The following ANK2 variants were observed in gnomAD, a reference collection of about 807,000 sequenced individuals.
The protein encoded by ANK2 is ankyrin 2, also known as ankyrin-2.
A neutral mutation model predicts 360.5 loss-of-function variants in ANK2; 83 were observed. The ratio of observed to expected loss-of-function variants is 0.23; its 90% CI spans 0.19 to 0.28. The LOEUF (loss-of-function observed/expected upper bound fraction) is 0.28. ANK2 is among the 10% of genes least tolerant of loss of function. ANK2 has a pLI of 1.00. For synonymous variants in ANK2, 1,740 were observed against 1,759.5 expected, an observed-to-expected ratio of 0.99 and a Z score of 0.28; for missense variants, 4,201 against 4,795.7, an observed-to-expected ratio of 0.88 and a Z score of 3.66.
At chr4:112,757,253 C>G in the ANK2 span, among the ~76,000 whole-genome samples, 2 of 151,740 alleles carry the variant, frequency 1.3e-5, no homozygotes, top group East Asian at 3.9e-4. Flanking sequence ...GCTGGGATTA[C>G]AGACGCCCGC....
At chr4:113,247,650 T>A (rs1304022383) in intron 9 of ANK2, among the ~76,000 whole-genome samples, 5 of 152,192 alleles carry the variant, frequency 3.3e-5, no homozygotes, top group Non-Finnish European at 7.3e-5. Flanking sequence ...GCTTGCAAGT[T>A]AAATAGGGTG....
chr4:112,754,547 T>C, the ANK2 span, among the ~76,000 whole-genome samples: 4 of 151,790 alleles, frequency 2.6e-5, no homozygotes, highest in Non-Finnish European at 4.4e-5. Context: ...TAAAAACTTT[T>C]AATGAGTTCC....
intron 22 of ANK2, among the ~76,000 whole-genome samples, chr4:113,296,408 G>A (rs2071466150): frequency 6.6e-6 from 1 of 152,166 alleles, no homozygotes; most frequent in South Asian, 2.1e-4. Flanking sequence ...CATTACACCT[G>A]CACAACTGAC....
chr4:113,251,345 A>G (rs2046239664), intron 10 of ANK2, among the ~76,000 whole-genome samples: 1 of 152,146 alleles, frequency 6.6e-6, no homozygotes, highest in African/African-American at 2.4e-5. Flanking sequence ...GATCCTGCAT[A>G]AAGTGTCTCT....
intron 1 of ANK2, among the ~76,000 whole-genome samples, chr4:112,855,484 T>C (rs2066141805): frequency 6.6e-6 from 1 of 152,360 alleles, no homozygotes; most frequent in South Asian, 2.1e-4. Flanking sequence ...CTGCACCTCC[T>C]CAATTGGCCC....
intron 36 of ANK2, 86 bp from the exon 37 acceptor site, chr4:113,350,142 T>G: frequency 7.9e-7 from 1 of 1,265,390 alleles, no homozygotes; most frequent in Non-Finnish European, 1.1e-6. Context: ...CATGTATAAT[T>G]ATGAATAGGA....
intron 2 of ANK2, among the ~76,000 whole-genome samples, chr4:113,030,622 T>A (rs1016964082): frequency 3.3e-5 from 5 of 152,064 alleles, no homozygotes; most frequent in African/African-American, 1.2e-4. Flanking sequence ...GGAAATCTGT[T>A]ACAAGCTGAA....
chr4:112,739,046 C>A, the ANK2 span: 23 of 579,826 alleles, frequency 4.0e-5, no homozygotes, highest in Non-Finnish European at 6.9e-5. Flanking sequence ...AAAGTTCTGT[C>A]CAGCTGGCCA....
intron 2 of ANK2, among the ~76,000 whole-genome samples, chr4:112,958,103 T>G (rs2031824784): frequency 6.7e-6 from 1 of 149,570 alleles, no homozygotes; most frequent in East Asian, 2.0e-4. Context: ...CGCTCCTCAC[T>G]TTCCAGACTG....
At chr4:113,125,040 TA>T (rs2095581989) in intron 1 of ANK2, among the ~76,000 whole-genome samples, 1 of 152,222 alleles carries the variant, frequency 6.6e-6, no homozygotes. Context: ...TGGTTAAGAC[TA>T]ATGGTGTTAT....
At chr4:112,962,703 T>C (rs1363919670) in intron 2 of ANK2, among the ~76,000 whole-genome samples, 4 of 152,156 alleles carry the variant, frequency 2.6e-5, no homozygotes, top group Non-Finnish European at 5.9e-5. Flanking sequence ...AGAAAACATA[T>C]GCTTAAGCCC....
At chr4:112,706,826 C>G in the ANK2 span, 1 of 152,224 alleles carries the variant, frequency 6.6e-6, no homozygotes, top group Non-Finnish European at 1.5e-5. Context: ...GAGACACAAA[C>G]AGCTTCCCCC....
At chr4:113,132,793 C>T (rs1238039639) in intron 1 of ANK2, among the ~76,000 whole-genome samples, 54 of 152,092 alleles carry the variant, frequency 3.6e-4, no homozygotes, top group Non-Finnish European at 1.0e-4. Flanking sequence ...TGGGGAATTC[C>T]AGCAGCCATC....
intron 21 of ANK2, 48 bp from the exon 22 acceptor site, chr4:113,293,392 C>A: frequency 6.5e-7 from 1 of 1,531,174 alleles, no homozygotes; most frequent in Non-Finnish European, 9.0e-7. Flanking sequence ...GCTCACATCG[C>A]AGTCCTCTCT....
In ANK2 at chr4:113,367,649, T is replaced by G. The variant is rs1200239241; in HGVS notation, c.11116T>G (p.Cys3706Gly). Residue 3706 changes from cysteine to glycine, a missense_variant, in exon 42 of 46, where the codon TGC becomes GGC. Cys to Gly is a radical substitution (Grantham distance 159). Transcript: ENST00000357077. Reference sequence around the variant, plus strand: ...AGCTGTTTCTAAAGAAAGTGAGACCTGCGATCACCCTCCTATCGTCTCAGA... The same window carrying G: ...AGCTGTTTCTAAAGAAAGTGAGACCGGCGATCACCCTCCTATCGTCTCAGA... ...EQAVSKESETCDHPPIVSEED... is the reference protein window; with the variant it reads ...EQAVSKESETGDHPPIVSEED... The G allele has an allele frequency of 6.2e-7, 1 of 1,613,908 alleles. No individual in the cohort carries two copies.
At chr4:112,759,001 T>C in the ANK2 span, among the ~76,000 whole-genome samples, 161 of 152,226 alleles carry the variant, frequency 1.1e-3, no homozygotes, top group African/African-American at 3.2e-3. Context: ...CTTCCTATGG[T>C]CCTTTTTATA....
intron 2 of ANK2, among the ~76,000 whole-genome samples, chr4:112,938,637 T>G (rs1344980055): frequency 4.6e-5 from 7 of 152,238 alleles, no homozygotes; most frequent in African/African-American, 1.7e-4. Flanking sequence ...AAGTAAATTT[T>G]TATTCGGCTC....
At chr4:112,762,064 A>G in the ANK2 span, among the ~76,000 whole-genome samples, 1 of 152,210 alleles carries the variant, frequency 6.6e-6, no homozygotes, top group Non-Finnish European at 1.5e-5. Context: ...GGGCATGGGG[A>G]ACAGACATTT....
In ANK2 at chr4:113,173,572, A is replaced by G. The variant is rs112438009; in HGVS notation, c.85-844A>G. 2.9e-3 allele frequency among the ~76,000 whole-genome samples: 444 copies of G among 152,278 alleles called. 2 individuals are homozygous for G. Among genetic ancestry groups the G allele is most frequent in the African/African-American group, 0.01 (425 of 41,542 alleles). ...TATTATGTTAAGGTTTAAAAGTCAGACTTTATAACCAAGCCAGGGGGCCGT... is the reference window on the plus strand; with the variant it reads ...TATTATGTTAAGGTTTAAAAGTCAGGCTTTATAACCAAGCCAGGGGGCCGT... On this transcript the variant is annotated intron_variant, in intron 1 of 45. Transcript: ENST00000357077.
Sources: gnomAD v4.1 joint callset for allele counts (sites outside exome capture counted in the v4.1 genomes callset) on GRCh38, gnomAD v4.1.1 for gene constraint, MANE v1.5 for transcripts, NCBI Gene and HGNC (gene_info 2026-07-23, HGNC 2026-07-21) for gene names.